The following CACNA2D4 variants were observed in gnomAD, a reference collection of about 807,000 sequenced individuals.
CACNA2D4 encodes voltage-dependent calcium channel subunit alpha-2/delta-4.
Under a neutral mutation model 163.8 loss-of-function variants are expected in CACNA2D4, and 157 were observed. The ratio of observed to expected loss-of-function variants is 0.96; its 90% CI spans 0.84 to 1.09. The LOEUF (loss-of-function observed/expected upper bound fraction) is 1.09. Ranked by LOEUF, CACNA2D4 falls within the 50% of genes least tolerant of loss-of-function variation. CACNA2D4 has a pLI of 0.00. For missense variants in CACNA2D4, 1,410 were observed against 1,479.9 expected, an observed-to-expected ratio of 0.95 and a Z score of 0.78; for synonymous variants, 598 against 586.9, an observed-to-expected ratio of 1.02 and a Z score of -0.27.
chr12:1,793,537 A>C lies in CACNA2D4; in HGVS notation c.*118T>G. Reference sequence around the variant, plus strand: ...CAGGGGCCACCAGCCCAGGATTGAGAGGAGCGTTGGCCTGGGGGCGACCCA... The same window carrying C: ...CAGGGGCCACCAGCCCAGGATTGAGCGGAGCGTTGGCCTGGGGGCGACCCA... On this transcript the variant is annotated 3_prime_UTR_variant, in exon 38 of 38. Coordinates refer to ENST00000382722, the MANE Select transcript of CACNA2D4 (RefSeq NM_172364.5). 1.2e-6 allele frequency: 1 copy of C among 821,352 alleles called. No homozygotes were observed. The highest frequency in any genetic ancestry group is 2.1e-6 in the Non-Finnish European group (1 of 481,336). 50.9% of individuals were successfully genotyped at this position (821,352 alleles called of 1,614,324 possible). A position where few individuals can be genotyped will look rare whatever the true frequency, so the allele number is the denominator to read the frequency against.
intron 29 of CACNA2D4, among the ~76,000 whole-genome samples, chr12:1,803,764 G>C (rs758649556): frequency 6.6e-6 from 1 of 152,210 alleles, no homozygotes; most frequent in Non-Finnish European, 1.5e-5. Context: ...CTCACCAGGT[G>C]AGTCTGATGC....
rs937085632 is a variant in CACNA2D4 at position 1,806,612 on chromosome 12, G to T, written c.2721+3666C>A. Among the ~76,000 whole-genome samples the T allele has an allele frequency of 6.6e-6, 1 of 152,200 alleles. No homozygotes were observed. The highest frequency in any genetic ancestry group is 1.9e-4 in the East Asian group (1 of 5,194). On this transcript the variant is annotated intron_variant, in intron 29 of 37. Transcript: ENST00000382722. This position sits in a 1 kb window ranked among gnomAD's most constrained non-coding sequence, Gnocchi z 4.1. Reference sequence around the variant, plus strand: ...TGGAAGCCTTTGACATATTTGCCTAGTCAGGAAAGTGACAGCAGCCAGCTA... The same window carrying T: ...TGGAAGCCTTTGACATATTTGCCTATTCAGGAAAGTGACAGCAGCCAGCTA...
intron 1 of CACNA2D4, 166 bp downstream of exon 1, chr12:1,918,081 G>A (rs959158944): frequency 4.9e-6 from 3 of 613,226 alleles, no homozygotes; most frequent in Non-Finnish European, 8.7e-6. Context: ...GGAGGCCGGA[G>A]AAGCAAAGGG....
At chr12:1,915,245 C>T (rs1369007131) in intron 1 of CACNA2D4, 16 of 702,496 alleles carry the variant, frequency 2.3e-5, no homozygotes, top group Middle Eastern at 2.3e-4. Context: ...GCAGGAGACG[C>T]GGAGAACCCT....
In CACNA2D4 at chr12:1,806,894, G is replaced by A. The variant is rs1165502048; in HGVS notation, c.2721+3384C>T. 6.6e-6 allele frequency among the ~76,000 whole-genome samples: 1 copy of A among 152,086 alleles called. No individual in the cohort carries two copies. Among genetic ancestry groups the A allele is most frequent in the East Asian group, 2.0e-4 (1 of 5,128 alleles). On this transcript the variant is annotated intron_variant, in intron 29 of 37. Transcript: ENST00000382722. This position sits in a 1 kb window ranked among gnomAD's most constrained non-coding sequence, Gnocchi z 4.1. ...GCAGTGAGGAATGAATGAGTTAGGGGAGGCCAGGCCCTGTGGCCCTCGATG... is the reference window on the plus strand; with the variant it reads ...GCAGTGAGGAATGAATGAGTTAGGGAAGGCCAGGCCCTGTGGCCCTCGATG...
intron 13 of CACNA2D4, 94 bp downstream of exon 13, chr12:1,882,773 C>A: frequency 7.4e-7 from 1 of 1,355,374 alleles, no homozygotes; most frequent in Non-Finnish European, 1.0e-6. Flanking sequence ...GTGCTAGGCC[C>A]ACCCCTTTCC....
intron 26 of CACNA2D4, among the ~76,000 whole-genome samples, chr12:1,816,359 G>A (rs1311356905): frequency 6.6e-6 from 1 of 152,136 alleles, no homozygotes; most frequent in Non-Finnish European, 1.5e-5. Flanking sequence ...TGCATGGTGG[G>A]CCCCTGTTTT....
chr12:1,848,401 C>T (rs532203401), intron 23 of CACNA2D4, among the ~76,000 whole-genome samples: 20 of 152,306 alleles, frequency 1.3e-4, no homozygotes, highest in African/African-American at 4.3e-4. Flanking sequence ...GTCAACTGGC[C>T]GTGAGACCTC....
chr12:1,801,785 A>C, intron 29 of CACNA2D4, 141 bp from the exon 30 acceptor site: 1 of 584,682 alleles, frequency 1.7e-6, no homozygotes, highest in South Asian at 2.4e-5. Context: ...CTCTCAGCAT[A>C]ATCCAGCTGA....
rs1185349836 is a variant in CACNA2D4 at position 1,817,526 on chromosome 12, G to A, written c.2552-5803C>T. 2.6e-5 allele frequency among the ~76,000 whole-genome samples: 4 copies of A among 152,270 alleles called. No individual in the cohort carries two copies. The East Asian group carries it at 7.7e-4, about 29-fold the overall frequency. On this transcript the variant is annotated intron_variant, in intron 26 of 37. Transcript: ENST00000382722. Reference sequence around the variant, plus strand: ...CCCTCTCTTTCCCCGGTCTCCCTCTGATGCCGAGCCGAAGCTGGACTGTAC... The same window carrying A: ...CCCTCTCTTTCCCCGGTCTCCCTCTAATGCCGAGCCGAAGCTGGACTGTAC...
At chr12:1,800,495 C>A (rs1015846957) in intron 31 of CACNA2D4, 57 bp from the exon 32 acceptor site, 7 of 1,540,474 alleles carry the variant, frequency 4.5e-6, no homozygotes, top group Admixed American at 1.7e-5. Context: ...AGGGTGCCCC[C>A]CCCCCACCAC....
chr12:1,834,216 G>C lies in CACNA2D4; in HGVS notation c.2551+6523C>G, dbSNP rs1012934964. ...GGGGAGCTGGGGATGGGGAGAGGGA[G>C]TGCAAGTTCTAGATGCCTGGTCAGC... On this transcript the variant is annotated intron_variant, in intron 26 of 37. Transcript: ENST00000382722. The surrounding 1 kb of genome is among the most constrained non-coding windows in gnomAD (Gnocchi z 7.6). 2.0e-6 allele frequency: 3 copies of C among 1,512,948 alleles called. No individual in the cohort carries two copies. In the African/African-American group the frequency reaches 4.2e-5, roughly 21 times the overall value. 93.7% of individuals were successfully genotyped at this position (1,512,948 alleles called of 1,614,324 possible). A position where few individuals can be genotyped will look rare whatever the true frequency, so the allele number is the denominator to read the frequency against.
chr12:1,880,431 C>T (rs1865969734), intron 13 of CACNA2D4, among the ~76,000 whole-genome samples: 1 of 152,270 alleles, frequency 6.6e-6, no homozygotes, highest in East Asian at 1.9e-4. Context: ...ACAGGTCAGA[C>T]CCACATGGAC....
Position 1,834,267 on chromosome 12 carries a change from G to C in CACNA2D4, c.2551+6472C>G. The C allele has an allele frequency of 2.6e-6, 4 of 1,562,104 alleles. No homozygotes were observed. The highest frequency in any genetic ancestry group is 3.5e-6 in the Non-Finnish European group (4 of 1,151,368). On this transcript the variant is annotated intron_variant, in intron 26 of 37. Coordinates refer to ENST00000382722, the MANE Select transcript of CACNA2D4 (RefSeq NM_172364.5). The surrounding 1 kb of genome is among the most constrained non-coding windows in gnomAD (Gnocchi z 7.6). The stretch of plus-strand genomic sequence containing the variant: ...CCCTCTTTTTCTCTTCTGCATGTAG[G>C]GGGACGCTTGGACCAGCTTGCCTGC...
In CACNA2D4 at chr12:1,886,306, C is replaced by T; in HGVS notation, c.910G>A (p.Gly304Arg). ...ILVDVSGSMK[G>R]LRMTIAKHTI... The stretch of plus-strand genomic sequence containing the variant: ...TGCTTGGCAATAGTCATCCTCAGCC[C>T]CTTCATACTGCCGCTCACGTCCACC... The change falls in exon 8 of 38, where the codon GGG becomes AGG. Residue 304 changes from glycine to arginine, a missense_variant. By Grantham distance (125) the Gly-to-Arg change is moderately radical. Transcript: ENST00000382722. 1 of 1,613,748 alleles carries T rather than the reference C, an allele frequency of 6.2e-7. No individual in the cohort carries two copies. The highest frequency in any genetic ancestry group is 8.5e-7 in the Non-Finnish European group (1 of 1,179,702).
At chr12:1,795,088 G>T (rs955889632) in intron 37 of CACNA2D4, 8 of 587,666 alleles carry the variant, frequency 1.4e-5, no homozygotes, top group Non-Finnish European at 2.4e-5. Flanking sequence ...TTAGGAGCTT[G>T]CCAGGAATCA....
intron 26 of CACNA2D4, among the ~76,000 whole-genome samples, chr12:1,826,497 T>G (rs1475881140): frequency 7.5e-6 from 1 of 133,076 alleles, no homozygotes; most frequent in Non-Finnish European, 1.5e-5. Flanking sequence ...GCTCAGGGGC[T>G]CCTCCACCCC....
intron 6 of CACNA2D4, among the ~76,000 whole-genome samples, chr12:1,895,206 C>A (rs1014805074): frequency 3.3e-5 from 5 of 151,760 alleles, no homozygotes; most frequent in Admixed American, 6.6e-5. Flanking sequence ...AGGAAAGCTA[C>A]AAAACTGATG....
chr12:1,840,977 G>A (rs1160189393), intron 25 of CACNA2D4, among the ~76,000 whole-genome samples, 158 bp from the exon 26 acceptor site: 4 of 152,264 alleles, frequency 2.6e-5, no homozygotes, highest in African/African-American at 9.6e-5. Flanking sequence ...GTTTGGAGAA[G>A]TTGCTGCTGT....
Sources: gnomAD v4.1 joint callset for allele counts (sites outside exome capture counted in the v4.1 genomes callset) on GRCh38, gnomAD v4.1.1 for gene constraint, Gnocchi (gnomAD v3.1) non-coding constraint, MANE v1.5 for transcripts, NCBI Gene and HGNC (gene_info 2026-07-23, HGNC 2026-07-21) for gene names.